The following MYT1L variants were observed in gnomAD, a reference collection of about 807,000 sequenced individuals.
MYT1L encodes myelin transcription factor 1-like protein.
Under a neutral mutation model 126.7 loss-of-function variants are expected in MYT1L, and 12 were observed. The ratio of observed to expected loss-of-function variants is 0.09; its 90% CI spans 0.06 to 0.15. The LOEUF (loss-of-function observed/expected upper bound fraction) is 0.15. MYT1L is among the 10% of genes least tolerant of loss of function. The pLI, the probability that MYT1L is intolerant of heterozygous loss-of-function variation, is 1.00. For missense variants in MYT1L, 979 were observed against 1,585.2 expected (o/e 0.62, Z 6.49); for synonymous variants, 541 against 604.2 (o/e 0.90, Z 1.53).
intron 23 of MYT1L, among the ~76,000 whole-genome samples, chr2:1,799,330 G>A (rs2034399412): frequency 6.6e-6 from 1 of 152,198 alleles, no homozygotes; most frequent in African/African-American, 2.4e-5. Context: ...GAGCGTGCCT[G>A]GGGTTCCTAC....
chr2:1,911,044 C>A (rs1323427553), intron 12 of MYT1L, among the ~76,000 whole-genome samples: 1 of 152,064 alleles, frequency 6.6e-6, no homozygotes, highest in Non-Finnish European at 1.5e-5. Context: ...AGACGCTCAC[C>A]CCATATATGT....
At chr2:2,029,343 C>T (rs2065969427) in intron 4 of MYT1L, among the ~76,000 whole-genome samples, 1 of 152,214 alleles carries the variant, frequency 6.6e-6, no homozygotes, top group African/African-American at 2.4e-5. Context: ...CACAGTTCCA[C>T]ATGGCTGGGG....
intron 14 of MYT1L, 68 bp downstream of exon 14, chr2:1,903,012 T>C (rs759430228): frequency 1.2e-5 from 17 of 1,418,112 alleles, no homozygotes; most frequent in Non-Finnish European, 1.5e-5. Flanking sequence ...TGTAGGACAT[T>C]GATATACACA....
intron 2 of MYT1L, among the ~76,000 whole-genome samples, chr2:2,179,676 G>A (rs548904518): frequency 5.9e-5 from 9 of 152,160 alleles, no homozygotes; most frequent in Admixed American, 1.3e-4. Context: ...AGTAGGAATC[G>A]GAGCTGGAAC....
At chr2:1,971,902 G>A (rs2059836577) in intron 8 of MYT1L, among the ~76,000 whole-genome samples, 1 of 152,108 alleles carries the variant, frequency 6.6e-6, no homozygotes, top group Non-Finnish European at 1.5e-5. Flanking sequence ...CTTCACCCAA[G>A]TAAACCCCTA....
chr2:2,073,243 T>C (rs181094000), intron 3 of MYT1L, among the ~76,000 whole-genome samples: 2 of 152,036 alleles, frequency 1.3e-5, no homozygotes, highest in African/African-American at 4.8e-5. Flanking sequence ...CTCACTCTCA[T>C]ACTTACGTTA....
intron 2 of MYT1L, among the ~76,000 whole-genome samples, chr2:2,275,948 C>T (rs1032573062): frequency 4.6e-5 from 7 of 152,184 alleles, no homozygotes; most frequent in African/African-American, 1.4e-4. Flanking sequence ...TGAGATCGAC[C>T]TCCACCTTGC....
At chr2:2,187,335 C>T (rs1270107901) in intron 2 of MYT1L, among the ~76,000 whole-genome samples, 1 of 151,964 alleles carries the variant, frequency 6.6e-6, no homozygotes, top group East Asian at 1.9e-4. Context: ...CAGAGTGGGT[C>T]GAATTCAGGT....
intron 2 of MYT1L, among the ~76,000 whole-genome samples, chr2:2,176,095 C>G (rs2090735386): frequency 6.6e-6 from 1 of 152,178 alleles, no homozygotes; most frequent in Non-Finnish European, 1.5e-5. Flanking sequence ...GACAGTCACT[C>G]AGCTTCTAGT....
At chr2:2,190,575 A>AAAG (rs1553546098) in intron 2 of MYT1L, among the ~76,000 whole-genome samples, 2 of 141,230 alleles carry the variant, frequency 1.4e-5, no homozygotes, top group East Asian at 1.9e-4. Flanking sequence ...AAAAAAAAAA[A>AAAG]AAGAAGAAGA....
chr2:2,106,548 G>C (rs1023030116), intron 3 of MYT1L, among the ~76,000 whole-genome samples: 18 of 152,194 alleles, frequency 1.2e-4, no homozygotes, highest in Admixed American at 1.2e-3. Context: ...ACCCTGGGAG[G>C]CGGAGGTTGC....
Position 2,283,001 on chromosome 2 carries a change from G to A in MYT1L, c.-421+1403C>T, listed in dbSNP as rs187987581. Among the ~76,000 whole-genome samples, 230 of 152,314 alleles carry A rather than the reference G, an allele frequency of 1.5e-3. 1 individual carries two copies. Among genetic ancestry groups the A allele is most frequent in the African/African-American group, 5.1e-3 (212 of 41,572 alleles). ...GAGGCAGGAGAATACCTTGAACCCC[G>A]GAGGGAGAGGTTACGGTGAGCCAAG... On this transcript the variant is annotated intron_variant, in intron 2 of 24. Coordinates refer to ENST00000647738, the MANE Select transcript of MYT1L (RefSeq NM_001303052.2).
chr2:2,145,809 A>G (rs542412578), intron 3 of MYT1L, among the ~76,000 whole-genome samples: 184 of 152,344 alleles, frequency 1.2e-3, no homozygotes, highest in Non-Finnish European at 2.0e-3. Context: ...TAATTATATA[A>G]ATTAATTTGG....
At chr2:1,838,209 C>T (rs1379249175) in intron 21 of MYT1L, among the ~76,000 whole-genome samples, 7 of 152,106 alleles carry the variant, frequency 4.6e-5, no homozygotes, top group South Asian at 2.1e-4. Flanking sequence ...CCACTGTGCC[C>T]GGCCAATTTT....
chr2:2,037,161 C>T (rs574083667), intron 4 of MYT1L, among the ~76,000 whole-genome samples: 6 of 152,332 alleles, frequency 3.9e-5, no homozygotes, highest in South Asian at 2.1e-4. Flanking sequence ...TTTGCCATCT[C>T]GTTTGTTCCT....
chr2:1,894,400 T>C (rs1421601457), intron 14 of MYT1L, among the ~76,000 whole-genome samples: 1 of 152,226 alleles, frequency 6.6e-6, no homozygotes, highest in African/African-American at 2.4e-5. Flanking sequence ...CCCTGTGCAG[T>C]GCACACCTTG....
At chr2:1,994,692 T>A (rs1384121945) in intron 5 of MYT1L, among the ~76,000 whole-genome samples, 2 of 152,210 alleles carry the variant, frequency 1.3e-5, no homozygotes, top group South Asian at 4.1e-4. Flanking sequence ...TGAGACTACA[T>A]CTGGTTTATA....
At chr2:2,236,783 TCTTCTTCTTCTTCTTC>T (rs2094322510) in intron 2 of MYT1L, among the ~76,000 whole-genome samples, 1 of 19,924 alleles carries the variant, frequency 5.0e-5, no homozygotes, top group Non-Finnish European at 8.3e-5. Flanking sequence ...TTCTTCTTCT[TCTTCTTCTTCTTCTTC>T]TTCTTCTTCT....
Position 1,791,566 on chromosome 2 carries a change from A to G in MYT1L, c.*301T>C, listed in dbSNP as rs1433708561. ...AAGAATTTACACTCTATTTATTTTGATCAGCTTACCTCTTCAGAAATAGAT... is the reference window on the plus strand; with the variant it reads ...AAGAATTTACACTCTATTTATTTTGGTCAGCTTACCTCTTCAGAAATAGAT... On this transcript the variant is annotated 3_prime_UTR_variant, in exon 25 of 25. Coordinates refer to ENST00000647738, the MANE Select transcript of MYT1L (RefSeq NM_001303052.2). This position sits in a 1 kb window ranked among gnomAD's most constrained non-coding sequence, Gnocchi z 6.0. 2.6e-6 allele frequency: 1 copy of G among 380,342 alleles called. No homozygotes were observed. Among genetic ancestry groups the G allele is most frequent in the Non-Finnish European group, 4.8e-6 (1 of 207,690 alleles). The allele number at this position is 380,342 out of a possible 1,614,324, so 23.6% of individuals were successfully genotyped here.
Sources: allele counts gnomAD v4.1 joint callset (sites outside exome capture counted in the v4.1 genomes callset), GRCh38; gene constraint gnomAD v4.1.1; non-coding constraint Gnocchi (gnomAD v3.1); transcripts MANE v1.5; gene names NCBI Gene and HGNC (gene_info 2026-07-23, HGNC 2026-07-21).